Variants in RELA observed in about 807,000 individuals in gnomAD.
The protein encoded by RELA is transcription factor p65.
Under a neutral mutation model 56.7 loss-of-function variants are expected in RELA, and 14 were observed. That is an observed-to-expected ratio of 0.25 (90% CI 0.16 to 0.39). RELA has a LOEUF of 0.39. Ranked by LOEUF, RELA falls within the 10% of genes least tolerant of loss-of-function variation. RELA has a pLI of 1.00. For synonymous variants in RELA, 315 were observed against 289.7 expected (o/e 1.09, Z -0.89); for missense variants, 559 against 736.4 (o/e 0.76, Z 2.79).
intron 4 of RELA, among the ~76,000 whole-genome samples, chr11:65,661,227 A>G (rs1036093791): frequency 2.6e-5 from 4 of 151,956 alleles, no homozygotes; most frequent in African/African-American, 9.7e-5. Context: ...GGGTCTCACT[A>G]TGTTGCCTTG....
rs1244382109 is a variant in RELA at position 65,662,897 on chromosome 11, C to T, written c.-65G>A. On this transcript the variant is annotated 5_prime_UTR_variant, in exon 1 of 11. It removes an upstream start codon present in the reference 5' UTR. Transcript: ENST00000406246. ...CCCGCGGCGTGCACTACAGACGAGCCATTCGCCAGAGGCGGAAATGCGCCG... is the reference window on the plus strand; with the variant it reads ...CCCGCGGCGTGCACTACAGACGAGCTATTCGCCAGAGGCGGAAATGCGCCG... 4 of 1,168,902 alleles carry T rather than the reference C, an allele frequency of 3.4e-6. No individual in the cohort carries two copies. The African/African-American group carries it at 6.4e-5, about 19-fold the overall frequency. The allele number at this position is 1,168,902 out of a possible 1,614,324, so 72.4% of individuals were successfully genotyped here.
Position 65,658,906 on chromosome 11 carries a change from A to AGCCCAGAGTCAAGGTT in RELA, c.560-100_560-85dup. The stretch of plus-strand genomic sequence containing the variant: ...TGCAGGAGATGCAACTTCCCTGCCC[A>AGCCCAGAGTCAAGGTT]GCCCAGAGTCAAGGTTGCCCAGAGC... On this transcript the variant is annotated intron_variant, in intron 6 of 10. Transcript: ENST00000406246. This position sits in a 1 kb window ranked among gnomAD's most constrained non-coding sequence, Gnocchi z 4.5. 1 of 1,129,232 alleles carries AGCCCAGAGTCAAGGTT rather than the reference A, an allele frequency of 8.9e-7. No individual in the cohort carries two copies. Among genetic ancestry groups the AGCCCAGAGTCAAGGTT allele is most frequent in the Admixed American group, 1.7e-5 (1 of 58,044 alleles). The allele number at this position is 1,129,232 out of a possible 1,614,324, so 70.0% of individuals were successfully genotyped here.
At chr11:65,662,432 G>T in intron 1 of RELA, 1 of 539,472 alleles carries the variant, frequency 1.9e-6, no homozygotes, top group Non-Finnish European at 3.2e-6. Flanking sequence ...GAGGGAAGCT[G>T]AATCAGGGCC....
Position 65,653,998 on chromosome 11 carries a change from T to C in RELA, c.*380A>G, listed in dbSNP as rs1416388249. ...GTAATGAATCCATGATGGAAGACAC[T>C]TGATAAGGCTTTGTGGGCTCAAAGG... On this transcript the variant is annotated 3_prime_UTR_variant, in exon 11 of 11. Transcript: ENST00000406246. The C allele has an allele frequency of 9.2e-6, 3 of 324,602 alleles. No homozygotes were observed. Among genetic ancestry groups the C allele is most frequent in the African/African-American group, 6.7e-5 (3 of 44,784 alleles). 20.1% of individuals were successfully genotyped at this position (324,602 alleles called of 1,614,324 possible).
chr11:65,655,671 C>T lies in RELA; in HGVS notation c.1033+17G>A, dbSNP rs1050248935. On this transcript the variant is annotated intron_variant, in intron 10 of 10. Coordinates refer to ENST00000406246, the MANE Select transcript of RELA (RefSeq NM_021975.4). ...AGCTGAACCTGTCGTTCCAGTGGGA[C>T]AAAAGGAAATCCTTACCTGGCTTGG... The T allele has an allele frequency of 1.2e-6, 2 of 1,613,496 alleles. No individual in the cohort carries two copies. Among genetic ancestry groups the T allele is most frequent in the Non-Finnish European group, 1.7e-6 (2 of 1,179,598 alleles).
At chr11:65,663,296 G>A (rs1389656800), upstream of RELA, among the ~76,000 whole-genome samples, 1 of 152,220 alleles carries the variant, frequency 6.6e-6, no homozygotes, top group Non-Finnish European at 1.5e-5. Flanking sequence ...GCAGGGAAAA[G>A]CCCGACCGGG....
Position 65,654,888 on chromosome 11 carries a change from G to T in RELA, c.1146C>A (p.Ala382=). 1 of 1,582,838 alleles carries T rather than the reference G, an allele frequency of 6.3e-7. No homozygotes were observed. Among genetic ancestry groups the T allele is most frequent in the Non-Finnish European group, 8.6e-7 (1 of 1,164,090 alleles). ...GAGCCTGGGGCAGGACTTGGGGAGG[G>T]GCCGGGGCCAAGGCCGAGGCCTGGC... The part of the protein sequence containing the change: ...QISQASALAP[A]PPQVLPQAPA... The change falls in exon 11 of 11, where the codon GCC becomes GCA. Residue 382 remains alanine (A), a synonymous_variant. Transcript: ENST00000406246.
At position 65,658,785 on chromosome 11, in the gene RELA, C is replaced by T. The variant is rs566548137; in HGVS notation, c.597G>A (p.Val199=). 18 of 1,613,992 alleles carry T rather than the reference C, an allele frequency of 1.1e-5. No homozygotes were observed. The South Asian group carries it at 1.8e-4, about 16-fold the overall frequency. Residue 199 remains valine, a synonymous_variant, in exon 7 of 11, where the codon GTG becomes GTA. Transcript: ENST00000406246. The surrounding 1 kb of genome is among the most constrained non-coding windows in gnomAD (Gnocchi z 4.5). ...CGAGGCAGCTGCCAGAGTTTCGGTT[C>T]ACTCGGCAGATCTTGAGCTCGGCAG... ...PNTAELKICR[V]NRNSGSCLGG...
chr11:65,662,440 G>T, intron 1 of RELA: 1 of 530,684 alleles, frequency 1.9e-6, no homozygotes, highest in Non-Finnish European at 3.3e-6. Context: ...CTGAATCAGG[G>T]CCTGTTGTAC....
In RELA at chr11:65,660,188, C is replaced by T. The variant is rs1210676707; in HGVS notation, c.363G>A (p.Val121=). 1 of 1,614,036 alleles carries T rather than the reference C, an allele frequency of 6.2e-7. No individual in the cohort carries two copies. The highest frequency in any genetic ancestry group is 8.5e-7 in the Non-Finnish European group (1 of 1,180,028). Residue 121 remains valine (V), a synonymous_variant, in exon 5 of 11, where the codon GTG becomes GTA. Transcript: ENST00000406246. ...TAGCCTGCTCCAGGTCCCGCTTCTT[C>T]ACACACTGGATTCCCAGGTTCTGGA... is the stretch of plus-strand genomic sequence containing the variant. ...HSFQNLGIQC[V]KKRDLEQAIS...
chr11:65,663,301 A>T (rs1225029074), upstream of RELA, among the ~76,000 whole-genome samples: 2 of 152,064 alleles, frequency 1.3e-5, no homozygotes, highest in African/African-American at 4.8e-5. Flanking sequence ...GAAAAGCCCG[A>T]CCGGGCCTTC....
Position 65,658,616 on chromosome 11 carries a change from G to T in RELA, c.664+102C>A. 7.2e-7 allele frequency: 1 copy of T among 1,387,996 alleles called. No individual in the cohort carries two copies. Among genetic ancestry groups the T allele is most frequent in the Non-Finnish European group, 1.0e-6 (1 of 983,168 alleles). The allele number at this position is 1,387,996 out of a possible 1,614,324, so 86.0% of individuals were successfully genotyped here. On this transcript the variant is annotated intron_variant, in intron 7 of 10. Coordinates refer to ENST00000406246, the MANE Select transcript of RELA (RefSeq NM_021975.4). This position sits in a 1 kb window ranked among gnomAD's most constrained non-coding sequence, Gnocchi z 4.5. ...CCTTCGGCCCACCTGAGGCCCCCGA[G>T]GCACAGGAGGAAGTATCCAAAGCCA...
chr11:65,658,798 T>C lies in RELA; in HGVS notation c.584A>G (p.Lys195Arg). The change falls in exon 7 of 11, where the codon AAG (lysine) becomes AGG (arginine). Residue 195 changes from lysine (K) to arginine (R), a missense_variant. Coordinates refer to ENST00000406246, the MANE Select transcript of RELA (RefSeq NM_021975.4). This position sits in a 1 kb window ranked among gnomAD's most constrained non-coding sequence, Gnocchi z 4.5. The stretch of plus-strand genomic sequence containing the variant: ...AGAGTTTCGGTTCACTCGGCAGATC[T>C]TGAGCTCGGCAGTGTTGGGGGCACC... ...DNRAPNTAELKICRVNRNSGS... is the reference protein window; with the variant it reads ...DNRAPNTAELRICRVNRNSGS... 1 of 1,613,956 alleles carries C rather than the reference T, an allele frequency of 6.2e-7. No individual in the cohort carries two copies. Among genetic ancestry groups the C allele is most frequent in the South Asian group, 1.1e-5 (1 of 91,056 alleles).
chr11:65,659,563 T>C lies in RELA; in HGVS notation c.559+103A>G, dbSNP rs80058055. On this transcript the variant is annotated intron_variant, in intron 6 of 10. Coordinates refer to ENST00000406246, the MANE Select transcript of RELA (RefSeq NM_021975.4). The stretch of plus-strand genomic sequence containing the variant: ...AAGAGTAGACAAATACGCAAGATGA[T>C]TGAATGAAGCCAGAGCGCCTCTTGC... 1,079 of 1,413,132 alleles carry C rather than the reference T, an allele frequency of 7.6e-4. 7 individuals carry two copies. The African/African-American group carries it at 0.014, about 18-fold the overall frequency. 87.5% of individuals were successfully genotyped at this position (1,413,132 alleles called of 1,614,324 possible). A position where few individuals can be genotyped will look rare whatever the true frequency, so the allele number is the denominator to read the frequency against.
In RELA at chr11:65,654,290, GAA is replaced by G. The variant is rs772201868; in HGVS notation, c.*86_*87del. 1 of 1,563,754 alleles carries G rather than the reference GAA, an allele frequency of 6.4e-7. No individual in the cohort carries two copies. The highest frequency in any genetic ancestry group is 1.7e-5 in the Admixed American group (1 of 59,130). The stretch of plus-strand genomic sequence containing the variant: ...ACATCCACAAAGTTGGGGGCAGTTG[GAA>G]CACACCCCACCAGAATCCGTAAGTG... On this transcript the variant is annotated 3_prime_UTR_variant, in exon 11 of 11. Transcript: ENST00000406246.
rs200767506 is a variant in RELA, at chr11:65,654,497, G to T, written c.1537C>A (p.Pro513Thr). ...LVTGAQRPPDPAPAPLGAPGL... is the reference protein window; with the variant it reads ...LVTGAQRPPDTAPAPLGAPGL... The stretch of plus-strand genomic sequence containing the variant: ...GGGGCCCCCAGTGGAGCAGGAGCTG[G>T]GTCGGGGGGCCTCTGGGCCCCTGTC... Residue 513 changes from proline to threonine, a missense_variant, in exon 11 of 11, where the codon CCA (proline) becomes ACA (threonine). By Grantham distance (38) the Pro-to-Thr change is conservative. This residue lies in a region of RELA where 365 missense variants were observed against 387.5 expected (regional missense o/e 0.94). Transcript: ENST00000406246. The T allele has an allele frequency of 1.2e-4, 191 of 1,600,602 alleles. No individual in the cohort carries two copies. The highest frequency in any genetic ancestry group is 3.0e-4 in the South Asian group (27 of 88,804).
intron 6 of RELA, among the ~76,000 whole-genome samples, chr11:65,659,154 T>TCCATAC (rs1361806648): frequency 6.6e-6 from 1 of 152,192 alleles, no homozygotes; most frequent in Non-Finnish European, 1.5e-5. Context: ...TTAAGGCCAG[T>TCCATAC]CCATACCCAC....
rs1210281106 is a variant in RELA, at chr11:65,654,509, T to TCTGGGCCC, written c.1517_1524dup (p.Arg509GlyfsTer41). ...GGAGCAGGAGCTGGGTCGGGGGGCC[T>TCTGGGCCC]CTGGGCCCCTGTCACTAGGCGAGTT... On this transcript the variant is annotated frameshift_variant, in exon 11 of 11. Transcript: ENST00000406246. LOFTEE classifies it high-confidence loss of function. 1 of 1,599,666 alleles carries TCTGGGCCC rather than the reference T, an allele frequency of 6.3e-7. No homozygotes were observed. Among genetic ancestry groups the TCTGGGCCC allele is most frequent in the Non-Finnish European group, 8.5e-7 (1 of 1,174,244 alleles).
At position 65,653,638 on chromosome 11, in the gene RELA, G is replaced by A. The variant is rs993355381; in HGVS notation, c.*740C>T. On this transcript the variant is annotated 3_prime_UTR_variant, in exon 11 of 11. Transcript: ENST00000406246. ...CAGATTTATTAGTTCAGAGTAGAAA[G>A]AGCAAGAGTCCAAGTGCTTTGATTG... 11 of 152,518 alleles carry A rather than the reference G, an allele frequency of 7.2e-5. No individual in the cohort carries two copies. Among genetic ancestry groups the A allele is most frequent in the African/African-American group, 2.7e-4 (11 of 41,466 alleles). The allele number at this position is 152,518 out of a possible 1,614,324, so 9.4% of individuals were successfully genotyped here. A position where few individuals can be genotyped will look rare whatever the true frequency, so the allele number is the denominator to read the frequency against.
Sources: gnomAD v4.1 joint callset for allele counts (sites outside exome capture counted in the v4.1 genomes callset) on GRCh38, gnomAD v4.1.1 for gene constraint, gnomAD v4.1.1 regional missense constraint, Gnocchi (gnomAD v3.1) non-coding constraint, MANE v1.5 for transcripts, NCBI Gene and HGNC (gene_info 2026-07-23, HGNC 2026-07-21) for gene names.